Variants in SLC9A9 observed in about 807,000 individuals in gnomAD.
SLC9A9 encodes the protein sodium/hydrogen exchanger 9.
Under a neutral mutation model 77.8 loss-of-function variants are expected in SLC9A9, and 62 were observed. The ratio of observed to expected loss-of-function variants is 0.80; its 90% CI spans 0.65 to 0.98. The LOEUF (loss-of-function observed/expected upper bound fraction) is 0.98. Among genes scored for constraint, SLC9A9 ranks in the 50% least tolerant of loss-of-function variants. SLC9A9 has a pLI of 0.00. For synonymous variants in SLC9A9, 320 were observed against 283.5 expected (o/e 1.13, Z -1.29); for missense variants, 775 against 774.9 (o/e 1.00, Z 0.00).
At chr3:143,719,138 G>A (rs997315703) in intron 4 of SLC9A9, among the ~76,000 whole-genome samples, 2 of 152,138 alleles carry the variant, frequency 1.3e-5, no homozygotes, top group Non-Finnish European at 1.5e-5. Flanking sequence ...TTTATCTGTG[G>A]GCATTTATGT....
intron 9 of SLC9A9, among the ~76,000 whole-genome samples, chr3:143,538,216 T>G (rs2036626073): frequency 1.3e-5 from 2 of 152,290 alleles, no homozygotes; most frequent in South Asian, 4.1e-4. Context: ...TTCCCTTAAA[T>G]CAGACTATAT....
chr3:143,488,121 C>A (rs2035681766), intron 11 of SLC9A9, among the ~76,000 whole-genome samples: 1 of 151,746 alleles, frequency 6.6e-6, no homozygotes, highest in African/African-American at 2.4e-5. Flanking sequence ...GCACTATGAA[C>A]AATTTTATGC....
intron 6 of SLC9A9, among the ~76,000 whole-genome samples, chr3:143,624,994 TG>T (rs2038292525): frequency 6.6e-6 from 1 of 152,186 alleles, no homozygotes; most frequent in Non-Finnish European, 1.5e-5. Flanking sequence ...AGCCAAATCA[TG>T]AGTGAACTCC....
chr3:143,763,215 C>T (rs865858179), intron 4 of SLC9A9, among the ~76,000 whole-genome samples: 1 of 152,234 alleles, frequency 6.6e-6, no homozygotes, highest in South Asian at 2.1e-4. Flanking sequence ...TGACCCTCTT[C>T]CTTCAGAACC....
In SLC9A9 at chr3:143,578,617, T is replaced by C. The variant is rs1272399153; in HGVS notation, c.862A>G (p.Met288Val). ...FLGIFAGSFA[M>V]GSAYAIITAL... ...GTGATGATGGCATACGCAGACCCCATTGCAAATGAGCCAGCGAAGATTCCC... is the reference window on the plus strand; with the variant it reads ...GTGATGATGGCATACGCAGACCCCACTGCAAATGAGCCAGCGAAGATTCCC... Residue 288 changes from methionine to valine, a missense_variant, in exon 7 of 16, where the codon ATG becomes GTG. Met to Val is a conservative substitution (Grantham distance 21). Coordinates refer to ENST00000316549, the MANE Select transcript of SLC9A9 (RefSeq NM_173653.4). 1.9e-6 allele frequency: 3 copies of C among 1,613,896 alleles called. No homozygotes were observed. Among genetic ancestry groups the C allele is most frequent in the Non-Finnish European group, 2.5e-6 (3 of 1,179,926 alleles).
chr3:143,647,529 A>G (rs984565164), intron 6 of SLC9A9, among the ~76,000 whole-genome samples: 2 of 152,244 alleles, frequency 1.3e-5, no homozygotes, highest in African/African-American at 4.8e-5. Context: ...TATAAAATAA[A>G]GAGTTAAATT....
At chr3:143,643,808 T>C (rs1358829340) in intron 6 of SLC9A9, among the ~76,000 whole-genome samples, 1 of 152,144 alleles carries the variant, frequency 6.6e-6, no homozygotes, top group Non-Finnish European at 1.5e-5. Flanking sequence ...TCCATGTCAC[T>C]GGTCACAGGG....
At chr3:143,590,185 T>C (rs1201430995) in intron 6 of SLC9A9, among the ~76,000 whole-genome samples, 3 of 152,204 alleles carry the variant, frequency 2.0e-5, no homozygotes, top group Non-Finnish European at 2.9e-5. Context: ...ACTGTCTCTT[T>C]AGAGTAACTA....
chr3:143,461,805 T>C (rs1325604472), intron 12 of SLC9A9, among the ~76,000 whole-genome samples: 1 of 152,176 alleles, frequency 6.6e-6, no homozygotes, highest in Admixed American at 6.5e-5. Context: ...TTAAGATAAC[T>C]TAATTATATA....
rs1053578148 is a variant in SLC9A9, at chr3:143,637,268, C to T, written c.755+14987G>A. Among the ~76,000 whole-genome samples, 2 of 104,226 alleles carry T rather than the reference C, an allele frequency of 1.9e-5. 1 individual carries two copies. The highest frequency in any genetic ancestry group is 4.9e-5 in the Non-Finnish European group (2 of 41,028). The allele number at this position is 104,226 out of a possible 152,430, so 68.4% of individuals were successfully genotyped here. A position where few individuals can be genotyped will look rare whatever the true frequency, so the allele number is the denominator to read the frequency against. ...ATTCAAGATATGAATGAAAAATTTA[C>T]TACAGAGATAGATATTTAAAGAAAG... On this transcript the variant is annotated intron_variant, in intron 6 of 15. Coordinates refer to ENST00000316549, the MANE Select transcript of SLC9A9 (RefSeq NM_173653.4).
intron 6 of SLC9A9, among the ~76,000 whole-genome samples, chr3:143,612,704 A>C (rs142886189): frequency 6.6e-6 from 1 of 152,380 alleles, no homozygotes; most frequent in East Asian, 1.9e-4. Flanking sequence ...GGGAATTCCC[A>C]GTTGAATTCA....
At chr3:143,361,053 T>C (rs1161808172) in intron 14 of SLC9A9, among the ~76,000 whole-genome samples, 2 of 152,224 alleles carry the variant, frequency 1.3e-5, no homozygotes, top group Admixed American at 1.3e-4. Context: ...TGCCTGAATT[T>C]CCAGACAGAG....
intron 4 of SLC9A9, among the ~76,000 whole-genome samples, chr3:143,763,578 G>A (rs1216323634): frequency 6.6e-6 from 1 of 152,036 alleles, no homozygotes; most frequent in African/African-American, 2.4e-5. Context: ...CCTGTGATAG[G>A]TGTTACTAAA....
At position 143,838,458 on chromosome 3, in the gene SLC9A9, T is replaced by C. The variant is rs113350071; in HGVS notation, c.176-6237A>G. On this transcript the variant is annotated intron_variant, in intron 1 of 15. Coordinates refer to ENST00000316549, the MANE Select transcript of SLC9A9 (RefSeq NM_173653.4). ...TCGGCAAGGTGGTCTCGAGGAAGAA[T>C]CGAGCGAGTTCCTTGTTGGGAGGCA... Among the ~76,000 whole-genome samples, 568 of 152,150 alleles carry C rather than the reference T, an allele frequency of 3.7e-3. 5 individuals carry two copies. The highest frequency in any genetic ancestry group is 0.013 in the African/African-American group (546 of 41,496).
intron 14 of SLC9A9, among the ~76,000 whole-genome samples, chr3:143,319,619 A>G (rs183499692): frequency 1.2e-3 from 188 of 152,310 alleles, no homozygotes; most frequent in African/African-American, 3.9e-3. Flanking sequence ...CAGCCTCTGA[A>G]TTAGCAAAGA....
chr3:143,642,817 A>G (rs956460910), intron 6 of SLC9A9, among the ~76,000 whole-genome samples: 11 of 152,246 alleles, frequency 7.2e-5, no homozygotes, highest in Middle Eastern at 6.8e-3. Flanking sequence ...TATGACATTT[A>G]TGTCATTCCC....
At position 143,415,233 on chromosome 3, in the gene SLC9A9, A is replaced by G. The variant is rs1031871531; in HGVS notation, c.1470-33119T>C. Among the ~76,000 whole-genome samples the G allele has an allele frequency of 3.9e-5, 6 of 152,374 alleles. No individual in the cohort carries two copies. The South Asian group carries it at 1.0e-3, about 26-fold the overall frequency. On this transcript the variant is annotated intron_variant, in intron 12 of 15. Transcript: ENST00000316549. ...TTAAAGGGAAAGCAGCAAGTTATCC[A>G]GAAGATCTAGTTAAAATCATTGATG... is the stretch of plus-strand genomic sequence containing the variant.
At chr3:143,305,920 A>G (rs2030760555) in intron 14 of SLC9A9, among the ~76,000 whole-genome samples, 1 of 152,196 alleles carries the variant, frequency 6.6e-6, no homozygotes, top group Admixed American at 6.5e-5. Context: ...CTATTCATCA[A>G]ATTTGTATTT....
At chr3:143,690,030 C>A (rs2108780064) in intron 5 of SLC9A9, among the ~76,000 whole-genome samples, 1 of 151,798 alleles carries the variant, frequency 6.6e-6, no homozygotes, top group South Asian at 2.1e-4. Context: ...ACTTGTGGCT[C>A]AACCACACAG....
Sources: allele counts gnomAD v4.1 joint callset (sites outside exome capture counted in the v4.1 genomes callset), GRCh38; gene constraint gnomAD v4.1.1; transcripts MANE v1.5; gene names NCBI Gene and HGNC (gene_info 2026-07-23, HGNC 2026-07-21).